The following TMTC2 variants were observed in gnomAD, a reference collection of about 807,000 sequenced individuals.
TMTC2 encodes the protein transmembrane O-mannosyltransferase targeting cadherins 2.
Under a neutral mutation model 82.4 loss-of-function variants are expected in TMTC2, and 43 were observed. The ratio of observed to expected loss-of-function variants is 0.52; its 90% CI spans 0.41 to 0.67. TMTC2 has a LOEUF of 0.67. Ranked by LOEUF, TMTC2 falls within the 30% of genes least tolerant of loss-of-function variation. TMTC2 has a pLI of 0.00. For synonymous variants in TMTC2, 408 were observed against 381.9 expected (o/e 1.07, Z -0.80); for missense variants, 919 against 1,012.4 (o/e 0.91, Z 1.25).
At chr12:83,123,286 G>T (rs1543171) in intron 11 of TMTC2, among the ~76,000 whole-genome samples, 96,851 of 151,766 alleles carry the variant, frequency 0.64, 31,973 homozygotes, top group African/African-American at 0.81. Context: ...TGTCATCTGT[G>T]TCTGATTTGT....
chr12:82,984,702 A>AC, intron 7 of TMTC2, among the ~76,000 whole-genome samples: 1 of 152,296 alleles, frequency 6.6e-6, no homozygotes, highest in East Asian at 1.9e-4. Flanking sequence ...GCTTAGTAAA[A>AC]CTACAATATT....
In TMTC2 at chr12:82,981,731, G is replaced by A. The variant is rs183793958; in HGVS notation, c.1949-4194G>A. Among the ~76,000 whole-genome samples, 10 of 151,682 alleles carry A rather than the reference G, an allele frequency of 6.6e-5. No individual in the cohort carries two copies. In the East Asian group the frequency reaches 7.8e-4, roughly 12 times the overall value. On this transcript the variant is annotated intron_variant, in intron 7 of 11. Coordinates refer to ENST00000321196, the MANE Select transcript of TMTC2 (RefSeq NM_152588.3). ...AACCTTTATCTCCTGTCCTATTCCC[G>A]ACCAAGTGTCTTCGTTTCCTTCCTT...
At chr12:82,961,534 A>C (rs1477871792) in intron 4 of TMTC2, among the ~76,000 whole-genome samples, 1 of 152,076 alleles carries the variant, frequency 6.6e-6, no homozygotes, top group Non-Finnish European at 1.5e-5. Context: ...CATGAGATTT[A>C]GTATCGGAAA....
intron 2 of TMTC2, among the ~76,000 whole-genome samples, chr12:82,876,388 G>A (rs910127462): frequency 7.9e-5 from 12 of 152,238 alleles, no homozygotes; most frequent in African/African-American, 2.9e-4. Context: ...ACATATTTCA[G>A]CTGAGAGATA....
chr12:82,796,369 T>G (rs951712442), intron 1 of TMTC2, among the ~76,000 whole-genome samples: 36 of 152,150 alleles, frequency 2.4e-4, no homozygotes, highest in African/African-American at 7.7e-4. Flanking sequence ...AAGGCTCTCA[T>G]GGTAAATTGA....
chr12:83,114,923 A>G (rs1313892927), intron 11 of TMTC2, among the ~76,000 whole-genome samples: 3 of 151,960 alleles, frequency 2.0e-5, no homozygotes, highest in African/African-American at 4.8e-5. Flanking sequence ...ACATATATAT[A>G]TCAGATCCAT....
At chr12:82,821,643 C>T (rs543008617) in intron 1 of TMTC2, among the ~76,000 whole-genome samples, 39 of 152,106 alleles carry the variant, frequency 2.6e-4, no homozygotes, top group African/African-American at 6.3e-4. Flanking sequence ...GAGGCCAAGG[C>T]GGATGGATCA....
intron 4 of TMTC2, among the ~76,000 whole-genome samples, chr12:82,960,773 C>T (rs1005597424): frequency 1.3e-5 from 2 of 149,392 alleles, no homozygotes; most frequent in African/African-American, 2.5e-5. Context: ...TGTACATGAA[C>T]CCCTTGAATC....
intron 4 of TMTC2, among the ~76,000 whole-genome samples, chr12:82,950,826 A>G (rs1360666065): frequency 6.6e-6 from 1 of 152,232 alleles, no homozygotes; most frequent in Non-Finnish European, 1.5e-5. Flanking sequence ...AAAAGCTGCA[A>G]CTTGTTATTT....
At chr12:82,692,154 G>T (rs928610661) in intron 1 of TMTC2, among the ~76,000 whole-genome samples, 11 of 152,086 alleles carry the variant, frequency 7.2e-5, no homozygotes, top group African/African-American at 2.7e-4. Context: ...GCATTGAATG[G>T]ACATGTGCAA....
At chr12:83,087,002 C>T (rs983412717) in intron 11 of TMTC2, among the ~76,000 whole-genome samples, 1 of 152,174 alleles carries the variant, frequency 6.6e-6, no homozygotes, top group Non-Finnish European at 1.5e-5. Flanking sequence ...CTGTAGCATG[C>T]AATGCTGTTT....
intron 8 of TMTC2, among the ~76,000 whole-genome samples, chr12:83,018,296 A>G (rs1442997803): frequency 2.0e-5 from 3 of 152,084 alleles, no homozygotes; most frequent in Non-Finnish European, 4.4e-5. Context: ...TTTTCTTACC[A>G]TCCCCACAGG....
At chr12:83,045,751 A>ACACACACC (rs1565867415) in intron 9 of TMTC2, among the ~76,000 whole-genome samples, 1 of 138,100 alleles carries the variant, frequency 7.2e-6, no homozygotes, top group East Asian at 2.2e-4. Context: ...ACACACACAC[A>ACACACACC]CCAGGAGTGT....
At chr12:82,803,761 G>A (rs143642710) in intron 1 of TMTC2, among the ~76,000 whole-genome samples, 114 of 152,174 alleles carry the variant, frequency 7.5e-4, no homozygotes, top group African/African-American at 2.4e-3. Flanking sequence ...TAAAAGGGAC[G>A]CAAGACACCG....
intron 1 of TMTC2, among the ~76,000 whole-genome samples, chr12:82,774,890 C>T (rs1350065372): frequency 6.6e-6 from 1 of 151,934 alleles, no homozygotes; most frequent in East Asian, 1.9e-4. Context: ...AACCAGCTGA[C>T]AGGGAGGGTG....
intron 11 of TMTC2, among the ~76,000 whole-genome samples, chr12:83,114,144 A>G (rs1031331337): frequency 3.3e-5 from 5 of 152,198 alleles, no homozygotes; most frequent in African/African-American, 1.2e-4. Flanking sequence ...TCCAGAATTC[A>G]TACACTGAAA....
chr12:83,049,541 A>G (rs1483214610), intron 9 of TMTC2, among the ~76,000 whole-genome samples: 1 of 152,096 alleles, frequency 6.6e-6, no homozygotes, highest in Non-Finnish European at 1.5e-5. Flanking sequence ...TGTATACCAC[A>G]TTTTCTTTAT....
intron 1 of TMTC2, among the ~76,000 whole-genome samples, chr12:82,826,324 G>A (rs1252504077): frequency 6.6e-6 from 1 of 152,106 alleles, no homozygotes; most frequent in African/African-American, 2.4e-5. Flanking sequence ...GATGTGTGGT[G>A]TTCCTAGGTT....
intron 7 of TMTC2, among the ~76,000 whole-genome samples, chr12:82,979,846 A>G (rs1269842503): frequency 6.6e-6 from 1 of 151,754 alleles, no homozygotes; most frequent in Non-Finnish European, 1.5e-5. Flanking sequence ...TGTTTGAAGG[A>G]TATTTTCACT....
Sources: gnomAD v4.1 joint callset for allele counts (sites outside exome capture counted in the v4.1 genomes callset) on GRCh38, gnomAD v4.1.1 for gene constraint, MANE v1.5 for transcripts, NCBI Gene and HGNC (gene_info 2026-07-23, HGNC 2026-07-21) for gene names.